GABRB1: variants seen among roughly 807,000 people sequenced by gnomAD.
The protein encoded by GABRB1 is gamma-aminobutyric acid receptor subunit beta-1.
A neutral mutation model predicts 51.6 loss-of-function variants in GABRB1; 17 were observed. That is an observed-to-expected ratio of 0.33 (90% CI 0.23 to 0.49). The LOEUF is 0.49. Among genes scored for constraint, GABRB1 ranks in the 20% least tolerant of loss-of-function variants. The pLI, the probability that GABRB1 is intolerant of heterozygous loss-of-function variation, is 0.99. For synonymous variants in GABRB1, 247 were observed against 218.9 expected, an observed-to-expected ratio of 1.13 and a Z score of -1.14; for missense variants, 410 against 600.6, an observed-to-expected ratio of 0.68 and a Z score of 3.32.
At chr4:47,011,097 G>A (rs922881236) in intron 1 of GABRB1, among the ~76,000 whole-genome samples, 3 of 152,136 alleles carry the variant, frequency 2.0e-5, no homozygotes, top group Non-Finnish European at 4.4e-5. Flanking sequence ...CATTAGACTA[G>A]TTGCAGTTTC....
chr4:47,138,656 C>T (rs759873893), intron 3 of GABRB1, among the ~76,000 whole-genome samples: 4 of 151,998 alleles, frequency 2.6e-5, no homozygotes, highest in Non-Finnish European at 5.9e-5. Flanking sequence ...TGGTGCTGCT[C>T]GATACCTTTC....
chr4:47,296,911 C>A lies in GABRB1; in HGVS notation c.462-23216C>A, dbSNP rs1395875362. 5.3e-5 allele frequency among the ~76,000 whole-genome samples: 8 copies of A among 152,208 alleles called. No homozygotes were observed. The East Asian group carries it at 1.5e-3, about 29-fold the overall frequency. ...GAACGGAAATTATAACAAACTGTCT[C>A]TCAGAGCACAGTGCAATCAAACTAG... On this transcript the variant is annotated intron_variant, in intron 4 of 8. Coordinates refer to ENST00000295454, the MANE Select transcript of GABRB1 (RefSeq NM_000812.4).
At chr4:47,108,471 T>C (rs974117707) in intron 3 of GABRB1, among the ~76,000 whole-genome samples, 1 of 152,068 alleles carries the variant, frequency 6.6e-6, no homozygotes, top group Non-Finnish European at 1.5e-5. Flanking sequence ...ATTTTGACTT[T>C]TTATTTCTTC....
At chr4:47,166,071 C>G (rs777811647) in intron 4 of GABRB1, among the ~76,000 whole-genome samples, 3 of 151,978 alleles carry the variant, frequency 2.0e-5, no homozygotes, top group Admixed American at 2.0e-4. Flanking sequence ...TTATTGCCAT[C>G]TTATTTCGCC....
intron 5 of GABRB1, among the ~76,000 whole-genome samples, chr4:47,350,183 TTATATATATATATATATATA>T (rs367708916): frequency 4.8e-4 from 42 of 87,736 alleles, no homozygotes; most frequent in African/African-American, 1.9e-3. Flanking sequence ...TGGGCTCAGA[TTATATATATATATATATATA>T]TATATATATA....
chr4:47,043,583 A>C (rs1223666920), intron 3 of GABRB1, among the ~76,000 whole-genome samples: 7 of 152,086 alleles, frequency 4.6e-5, no homozygotes, highest in Non-Finnish European at 1.0e-4. Flanking sequence ...AAGGAGTTAT[A>C]CATCACCTTT....
Position 47,082,315 on chromosome 4 carries a change from T to TA in GABRB1, c.240+49837dup, listed in dbSNP as rs555594465. ...AAGATAATTTTAAAAATGAATTCCATAAAAAAGATGCCATTAAATTCTAGC... is the reference window on the plus strand; with the variant it reads ...AAGATAATTTTAAAAATGAATTCCATAAAAAAAGATGCCATTAAATTCTAGC... On this transcript the variant is annotated intron_variant, in intron 3 of 8. Coordinates refer to ENST00000295454, the MANE Select transcript of GABRB1 (RefSeq NM_000812.4). Among the ~76,000 whole-genome samples the TA allele has an allele frequency of 6.8e-3, 1,039 of 152,080 alleles. 12 individuals carry two copies. The highest frequency in any genetic ancestry group is 0.024 in the African/African-American group (983 of 41,520).
intron 4 of GABRB1, among the ~76,000 whole-genome samples, chr4:47,311,688 G>A (rs1724692954): frequency 6.6e-6 from 1 of 152,166 alleles, no homozygotes; most frequent in South Asian, 2.1e-4. Context: ...ATAAATTTGT[G>A]TTGTTTTAAG....
At chr4:47,158,110 AG>A (rs768243090) in intron 3 of GABRB1, among the ~76,000 whole-genome samples, 13 of 152,106 alleles carry the variant, frequency 8.5e-5, no homozygotes, top group Non-Finnish European at 1.6e-4. Flanking sequence ...CAAAGAGGAA[AG>A]GGGAAAAGTC....
intron 5 of GABRB1, among the ~76,000 whole-genome samples, chr4:47,351,644 G>A (rs1431376594): frequency 6.9e-6 from 1 of 145,158 alleles, no homozygotes; most frequent in Non-Finnish European, 1.5e-5. Flanking sequence ...CCATCTATGA[G>A]TGAGAACATG....
chr4:47,148,375 C>T (rs1307398122), intron 3 of GABRB1, among the ~76,000 whole-genome samples: 2 of 152,022 alleles, frequency 1.3e-5, no homozygotes, highest in East Asian at 1.9e-4. Flanking sequence ...GCACCAGCCC[C>T]TTCTCTTAAT....
intron 4 of GABRB1, among the ~76,000 whole-genome samples, chr4:47,254,550 T>G (rs750919789): frequency 4.6e-5 from 7 of 151,394 alleles, no homozygotes; most frequent in East Asian, 1.9e-4. Context: ...GTGTGTGTGT[T>G]TTTAGTAGAG....
At chr4:47,222,586 C>T (rs1405694741) in intron 4 of GABRB1, among the ~76,000 whole-genome samples, 2 of 152,096 alleles carry the variant, frequency 1.3e-5, no homozygotes, top group Admixed American at 1.3e-4. Context: ...ATTCACAAGA[C>T]ATGTGAGTGA....
chr4:47,236,025 A>G (rs1225873335), intron 4 of GABRB1, among the ~76,000 whole-genome samples: 4 of 152,028 alleles, frequency 2.6e-5, no homozygotes, highest in Middle Eastern at 3.4e-3. Context: ...CTTTTTTTAA[A>G]CTTCATGGCC....
rs1457946456 is a variant in GABRB1 at position 47,032,419 on chromosome 4, C to T, written c.175C>T (p.Pro59Ser). The T allele has an allele frequency of 3.8e-6, 6 of 1,583,970 alleles. No individual in the cohort carries two copies. Among genetic ancestry groups the T allele is most frequent in the Admixed American group, 1.7e-5 (1 of 58,358 alleles). Residue 59 changes from proline to serine, a missense_variant and splice_region_variant, in exon 3 of 9, where the codon CCC becomes TCC. Physicochemically the swap from Pro to Ser is moderately conservative, Grantham distance 74. Transcript: ENST00000295454. Reference protein sequence around the residue: ...DIRLRPDFGGPPVDVGMRIDV... With the variant: ...DIRLRPDFGGSPVDVGMRIDV... ...AATGTGGCCCACCTCCCCGGCAGGG[C>T]CCCCCGTCGACGTTGGGATGCGGAT... is the stretch of plus-strand genomic sequence containing the variant.
intron 3 of GABRB1, among the ~76,000 whole-genome samples, chr4:47,040,082 T>TA (rs1209354667): frequency 1.3e-5 from 2 of 152,124 alleles, no homozygotes; most frequent in Admixed American, 6.6e-5. Flanking sequence ...CTCTTGGCTT[T>TA]AAAAAAATCT....
At chr4:47,338,363 G>A (rs1235207884) in intron 5 of GABRB1, among the ~76,000 whole-genome samples, 1 of 152,106 alleles carries the variant, frequency 6.6e-6, no homozygotes. Context: ...ATCCTAGTCC[G>A]TCAAAAGCTT....
intron 3 of GABRB1, among the ~76,000 whole-genome samples, chr4:47,036,884 A>G (rs1195325269): frequency 1.3e-5 from 2 of 152,138 alleles, no homozygotes; most frequent in East Asian, 3.9e-4. Context: ...AAAAGAAAAA[A>G]AGAAAGAAAA....
At chr4:47,083,834 T>A (rs956932652) in intron 3 of GABRB1, among the ~76,000 whole-genome samples, 2 of 152,108 alleles carry the variant, frequency 1.3e-5, no homozygotes. Flanking sequence ...TCTCTACTCA[T>A]CTATTATCAT....
Sources: allele counts gnomAD v4.1 joint callset (sites outside exome capture counted in the v4.1 genomes callset), GRCh38; gene constraint gnomAD v4.1.1; transcripts MANE v1.5; gene names NCBI Gene and HGNC (gene_info 2026-07-23, HGNC 2026-07-21).